TMEM132D: variants seen among roughly 807,000 people sequenced by gnomAD.
The protein encoded by TMEM132D is mature OL transmembrane protein.
A neutral mutation model predicts 62.3 loss-of-function variants in TMEM132D; 21 were observed. The ratio of observed to expected loss-of-function variants is 0.34; its 90% CI spans 0.24 to 0.49. TMEM132D has a LOEUF of 0.49. Among genes scored for constraint, TMEM132D ranks in the 20% least tolerant of loss-of-function variants. The probability of loss-of-function intolerance (pLI) is 0.99; values close to 1 mark genes in which losing one functional copy is unlikely to be tolerated. For synonymous variants in TMEM132D, 621 were observed against 575.6 expected, an observed-to-expected ratio of 1.08 and a Z score of -1.13; for missense variants, 1,346 against 1,402.8, an observed-to-expected ratio of 0.96 and a Z score of 0.65.
At chr12:129,475,893 A>T (rs572059994) in intron 3 of TMEM132D, among the ~76,000 whole-genome samples, 4 of 152,376 alleles carry the variant, frequency 2.6e-5, no homozygotes, top group African/African-American at 9.6e-5. Context: ...CCTCGATTTA[A>T]CCGGCAATTG....
At chr12:129,247,818 T>C (rs553480987) in intron 4 of TMEM132D, among the ~76,000 whole-genome samples, 16 of 150,422 alleles carry the variant, frequency 1.1e-4, no homozygotes, top group African/African-American at 3.4e-4. Context: ...TCTGGCTGGA[T>C]AGAAAAGCAT....
intron 2 of TMEM132D, among the ~76,000 whole-genome samples, chr12:129,571,096 G>C (rs549757326): frequency 1.3e-5 from 2 of 152,168 alleles, no homozygotes; most frequent in Non-Finnish European, 2.9e-5. Flanking sequence ...GTAGCCATAC[G>C]TTAGAGGTAA....
intron 5 of TMEM132D, among the ~76,000 whole-genome samples, chr12:129,166,889 C>A (rs1051634390): frequency 6.6e-6 from 1 of 152,002 alleles, no homozygotes. Context: ...AGTTGCTGGG[C>A]GCAGTGGCTC....
chr12:129,506,591 A>G (rs1875337673), intron 3 of TMEM132D, among the ~76,000 whole-genome samples: 1 of 152,224 alleles, frequency 6.6e-6, no homozygotes, highest in Non-Finnish European at 1.5e-5. Flanking sequence ...CAAACCAAAG[A>G]AAAACATAAA....
At chr12:129,495,035 G>A (rs1477789427) in intron 3 of TMEM132D, among the ~76,000 whole-genome samples, 1 of 152,176 alleles carries the variant, frequency 6.6e-6, no homozygotes. Flanking sequence ...GCTGACAAGA[G>A]GCTCTCTGTG....
chr12:129,685,194 C>A (rs1475197290), intron 2 of TMEM132D, among the ~76,000 whole-genome samples: 2 of 152,140 alleles, frequency 1.3e-5, no homozygotes, highest in Non-Finnish European at 2.9e-5. Context: ...ATCACCAAGA[C>A]AATGGGAAAA....
In TMEM132D at chr12:129,887,141, A is replaced by G. The variant is rs188872010; in HGVS notation, c.79+16120T>C. On this transcript the variant is annotated intron_variant, in intron 1 of 8. Coordinates refer to ENST00000422113, the MANE Select transcript of TMEM132D (RefSeq NM_133448.3). The stretch of plus-strand genomic sequence containing the variant: ...ACTATTTCTCCACTCTAAGAAACAC[A>G]TGAGTTAAAACCCAGTGATCAGTAA... 4.7e-3 allele frequency among the ~76,000 whole-genome samples: 710 copies of G among 152,314 alleles called. 4 individuals are homozygous for G. Among genetic ancestry groups the G allele is most frequent in the Non-Finnish European group, 7.7e-3 (524 of 68,020 alleles).
In TMEM132D at chr12:129,445,194, G is replaced by T. The variant is rs151293118; in HGVS notation, c.1115+85865C>A. On this transcript the variant is annotated intron_variant, in intron 3 of 8. Transcript: ENST00000422113. ...ATAGAGCTGGAGGCCATTATCCTTA[G>T]CAAACTAATGCAGAAACAGAAAACC... 2.8e-3 allele frequency among the ~76,000 whole-genome samples: 423 copies of T among 152,234 alleles called. 1 individual carries two copies. Among genetic ancestry groups the T allele is most frequent in the African/African-American group, 9.7e-3 (401 of 41,536 alleles).
intron 2 of TMEM132D, among the ~76,000 whole-genome samples, chr12:129,629,254 G>T (rs570307986): frequency 2.0e-5 from 3 of 152,088 alleles, no homozygotes; most frequent in Admixed American, 6.6e-5. Context: ...TCCTCTGTCC[G>T]GCCCATCTGC....
intron 5 of TMEM132D, among the ~76,000 whole-genome samples, chr12:129,088,010 G>A (rs1874699673): frequency 1.0e-5 from 1 of 95,892 alleles, no homozygotes; most frequent in Non-Finnish European, 2.2e-5. Flanking sequence ...TGTCCTCCAT[G>A]ACCGGGTGTC....
intron 5 of TMEM132D, among the ~76,000 whole-genome samples, chr12:129,138,192 G>A (rs756443433): frequency 2.0e-5 from 3 of 152,144 alleles, no homozygotes; most frequent in Non-Finnish European, 2.9e-5. Flanking sequence ...AAAGGGCTCA[G>A]TGCTGCCAGG....
chr12:129,225,883 C>A (rs1015391746), intron 4 of TMEM132D, among the ~76,000 whole-genome samples: 1 of 152,148 alleles, frequency 6.6e-6, no homozygotes, highest in Non-Finnish European at 1.5e-5. Flanking sequence ...CACAGCCACT[C>A]ACAGTGTGAG....
chr12:129,505,328 C>T (rs12301365), intron 3 of TMEM132D, among the ~76,000 whole-genome samples: 35,481 of 151,490 alleles, frequency 0.23, 4,241 homozygotes, highest in Middle Eastern at 0.32. Context: ...CTGCAAGCTC[C>T]GCCTCCCGGG....
intron 1 of TMEM132D, among the ~76,000 whole-genome samples, chr12:129,709,394 T>G (rs1192232583): frequency 6.6e-6 from 1 of 152,178 alleles, no homozygotes; most frequent in Non-Finnish European, 1.5e-5. Context: ...ATGTAACTAT[T>G]TATTAGAATA....
chr12:129,309,927 C>T (rs924350434), intron 4 of TMEM132D, among the ~76,000 whole-genome samples: 2 of 152,070 alleles, frequency 1.3e-5, no homozygotes, highest in Admixed American at 6.5e-5. Context: ...ACAAGACACC[C>T]GACTGAGCTG....
intron 1 of TMEM132D, among the ~76,000 whole-genome samples, chr12:129,800,740 G>C (rs950153010): frequency 1.3e-5 from 2 of 152,106 alleles, no homozygotes; most frequent in Non-Finnish European, 2.9e-5. Context: ...AACAGCTCCG[G>C]TCTACAGCTC....
At position 129,592,841 on chromosome 12, in the gene TMEM132D, C is replaced by T. The variant is rs11060458; in HGVS notation, c.969-61636G>A. Among the ~76,000 whole-genome samples, 24 of 147,340 alleles carry T rather than the reference C, an allele frequency of 1.6e-4. No homozygotes were observed. In the East Asian group the frequency reaches 3.6e-3, roughly 22 times the overall value. On this transcript the variant is annotated intron_variant, in intron 2 of 8. Coordinates refer to ENST00000422113, the MANE Select transcript of TMEM132D (RefSeq NM_133448.3). ...AAGATGCAGACAAAGGACACAGCTC[C>T]GAAGCAGGATTTCTGGAAGACACAG... is the stretch of plus-strand genomic sequence containing the variant.
At chr12:129,482,014 A>G (rs1386177796) in intron 3 of TMEM132D, among the ~76,000 whole-genome samples, 1 of 152,212 alleles carries the variant, frequency 6.6e-6, no homozygotes, top group Non-Finnish European at 1.5e-5. Flanking sequence ...CAAGACCACC[A>G]TGTTGTTAGG....
intron 2 of TMEM132D, among the ~76,000 whole-genome samples, chr12:129,587,436 G>C (rs1360735859): frequency 1.3e-5 from 2 of 152,072 alleles, no homozygotes; most frequent in Non-Finnish European, 2.9e-5. Context: ...AATAACTAAT[G>C]GGTACTAGGC....
Sources: allele counts gnomAD v4.1 joint callset (sites outside exome capture counted in the v4.1 genomes callset), GRCh38; gene constraint gnomAD v4.1.1; transcripts MANE v1.5; gene names NCBI Gene and HGNC (gene_info 2026-07-23, HGNC 2026-07-21).